The following TNRC6B variants were observed in gnomAD, a reference collection of about 807,000 sequenced individuals.
TNRC6B encodes the protein trinucleotide repeat containing adaptor 6B, also known as trinucleotide repeat-containing gene 6B protein.
A neutral mutation model predicts 203.6 loss-of-function variants in TNRC6B; 52 were observed. The ratio of observed to expected loss-of-function variants is 0.26; its 90% confidence interval spans 0.20 to 0.32. The LOEUF (loss-of-function observed/expected upper bound fraction) is 0.32, where lower values mean the gene tolerates loss of function less well. Ranked by LOEUF, TNRC6B falls within the 10% of genes least tolerant of loss-of-function variation. The pLI is 1.00. For synonymous variants in TNRC6B, 838 were observed against 845.7 expected (o/e 0.99, Z 0.16); for missense variants, 1,923 against 2,286.2 (o/e 0.84, Z 3.24).
intron 1 of TNRC6B, among the ~76,000 whole-genome samples, chr22:40,231,055 A>C (rs138049): frequency 0.44 from 66,935 of 150,442 alleles, 16,607 homozygotes; most frequent in East Asian, 0.7. Context: ...CTCTCTCTCT[A>C]TATATATATA....
At chr22:40,246,987 G>A (rs965974066) in intron 2 of TNRC6B, among the ~76,000 whole-genome samples, 24 of 152,202 alleles carry the variant, frequency 1.6e-4, no homozygotes, top group African/African-American at 5.5e-4. Flanking sequence ...TCAGGTCTCA[G>A]GTGAGCGGTT....
At chr22:40,211,797 T>A (rs2069567706) in intron 1 of TNRC6B, among the ~76,000 whole-genome samples, 1 of 152,112 alleles carries the variant, frequency 6.6e-6, no homozygotes, top group Non-Finnish European at 1.5e-5. Flanking sequence ...ATATCTCCAT[T>A]TTATATGTCA....
intron 1 of TNRC6B, among the ~76,000 whole-genome samples, chr22:40,235,443 ACAACGCTC>A (rs2069935106): frequency 6.6e-6 from 1 of 152,188 alleles, no homozygotes; most frequent in African/African-American, 2.4e-5. Flanking sequence ...CGTCATCCCT[ACAACGCTC>A]TCTGAGAAGA....
intron 1 of TNRC6B, among the ~76,000 whole-genome samples, chr22:40,060,591 T>C (rs1337181288): frequency 6.6e-6 from 1 of 152,198 alleles, no homozygotes; most frequent in African/African-American, 2.4e-5. Flanking sequence ...CTAGGTTCAG[T>C]GATTACTTAG....
intron 3 of TNRC6B, among the ~76,000 whole-genome samples, chr22:40,144,313 G>T (rs1266710827): frequency 6.6e-6 from 1 of 152,204 alleles, no homozygotes; most frequent in Admixed American, 6.5e-5. Flanking sequence ...ACTGGAAATA[G>T]CTAGCTGTCT....
chr22:40,050,153 C>CT (rs1377807264), intron 1 of TNRC6B, among the ~76,000 whole-genome samples: 3 of 152,164 alleles, frequency 2.0e-5, no homozygotes, highest in South Asian at 4.1e-4. Flanking sequence ...ATACTGGCTG[C>CT]TGCCCCTTTG....
intron 2 of TNRC6B, among the ~76,000 whole-genome samples, chr22:40,249,267 T>C (rs2070151213): frequency 6.6e-6 from 1 of 152,222 alleles, no homozygotes; most frequent in African/African-American, 2.4e-5. Flanking sequence ...CACTCAGAAA[T>C]TGTTTAATAA....
chr22:40,313,752 C>G (rs1213362399), intron 19 of TNRC6B, among the ~76,000 whole-genome samples: 1 of 152,256 alleles, frequency 6.6e-6, no homozygotes, highest in African/African-American at 2.4e-5. Context: ...TCCCACCTCT[C>G]TGTCATATCA....
chr22:40,272,926 T>A (rs946242621), intron 6 of TNRC6B, among the ~76,000 whole-genome samples: 1 of 152,224 alleles, frequency 6.6e-6, no homozygotes, highest in African/African-American at 2.4e-5. Flanking sequence ...TAAAAAATTT[T>A]CCCCCTTTTC....
chr22:40,147,531 A>G (rs1486935123), intron 3 of TNRC6B, among the ~76,000 whole-genome samples: 1 of 152,224 alleles, frequency 6.6e-6, no homozygotes, highest in African/African-American at 2.4e-5. Context: ...GGGAGGCCCC[A>G]ATCCCTGCTT....
chr22:40,291,602 A>G (rs1051897145), intron 12 of TNRC6B, among the ~76,000 whole-genome samples: 1 of 152,194 alleles, frequency 6.6e-6, no homozygotes, highest in South Asian at 2.1e-4. Flanking sequence ...TGCTGTTGCT[A>G]TGTAGCATTC....
chr22:40,200,216 T>G (rs775134730), intron 1 of TNRC6B, among the ~76,000 whole-genome samples: 8 of 151,424 alleles, frequency 5.3e-5, no homozygotes, highest in Non-Finnish European at 7.4e-5. Flanking sequence ...GGTACTATTC[T>G]TGCAAATTTA....
At chr22:40,221,196 G>C (rs1213297352) in intron 1 of TNRC6B, among the ~76,000 whole-genome samples, 1 of 152,138 alleles carries the variant, frequency 6.6e-6, no homozygotes, top group Non-Finnish European at 1.5e-5. Flanking sequence ...CAGCATGGCG[G>C]GTAGTTTCTT....
intron 4 of TNRC6B, among the ~76,000 whole-genome samples, chr22:40,262,412 T>C (rs1400216388): frequency 6.6e-6 from 1 of 152,132 alleles, no homozygotes; most frequent in African/African-American, 2.4e-5. Flanking sequence ...GCTTATTATT[T>C]TGGGGGCCTT....
intron 1 of TNRC6B, among the ~76,000 whole-genome samples, chr22:40,096,163 C>T (rs1317396622): frequency 2.0e-5 from 3 of 152,206 alleles, no homozygotes; most frequent in Non-Finnish European, 4.4e-5. Flanking sequence ...ATGCCAGGAT[C>T]ATGGCCAAAA....
chr22:40,261,717 T>G (rs1176670198), intron 3 of TNRC6B, 115 bp from the exon 4 acceptor site: 1 of 941,708 alleles, frequency 1.1e-6, no homozygotes, highest in African/African-American at 1.7e-5. Context: ...AAGACCAGCA[T>G]GGGCAACATG....
chr22:40,174,800 G>A (rs2146372500), upstream of TNRC6B, among the ~76,000 whole-genome samples: 1 of 150,820 alleles, frequency 6.6e-6, no homozygotes, highest in Middle Eastern at 3.4e-3. Flanking sequence ...ACTCTAGCCT[G>A]GGCGACAAAG....
upstream of TNRC6B, among the ~76,000 whole-genome samples, chr22:40,177,517 C>T (rs2069074722): frequency 6.6e-6 from 1 of 152,166 alleles, no homozygotes; most frequent in South Asian, 2.1e-4. Context: ...TCACCTCATT[C>T]TTTCAAAGCT....
At chr22:40,165,403 T>C (rs1286489494) in intron 4 of TNRC6B, among the ~76,000 whole-genome samples, 1 of 152,080 alleles carries the variant, frequency 6.6e-6, no homozygotes, top group Non-Finnish European at 1.5e-5. Context: ...TTTGAACTCC[T>C]GGACTCAAGC....
Sources: gnomAD v4.1 joint callset for allele counts (sites outside exome capture counted in the v4.1 genomes callset) on GRCh38, gnomAD v4.1.1 for gene constraint, MANE v1.5 for transcripts, NCBI Gene and HGNC (gene_info 2026-07-23, HGNC 2026-07-21) for gene names.